The following PCDHGA9 variants were observed in gnomAD, a reference collection of about 807,000 sequenced individuals.
PCDHGA9 encodes protocadherin gamma-A9.
A neutral mutation model predicts 62.5 loss-of-function variants in PCDHGA9; 37 were observed. The ratio of observed to expected loss-of-function variants is 0.59; its 90% CI spans 0.46 to 0.78. PCDHGA9 has a LOEUF of 0.78. Among genes scored for constraint, PCDHGA9 ranks in the 30% least tolerant of loss-of-function variants. PCDHGA9 has a pLI of 0.00. For missense variants in PCDHGA9, 1,138 were observed against 1,166.2 expected, an observed-to-expected ratio of 0.98 and a Z score of 0.35; for synonymous variants, 459 against 484.6, an observed-to-expected ratio of 0.95 and a Z score of 0.69.
Position 141,431,336 on chromosome 5 carries a change from G to C in PCDHGA9, c.2424+25960G>C, listed in dbSNP as rs1187672228. ...TGGAGCCGACGGTAGTAAGTACCCC[G>C]AATTGGTGCTGAAACGCGCCCTGGA... On this transcript the variant is annotated intron_variant, in intron 1 of 3. Transcript: ENST00000573521. The surrounding 1 kb of genome is among the most constrained non-coding windows in gnomAD (Gnocchi z 4.8). 2.5e-6 allele frequency: 4 copies of C among 1,613,956 alleles called. No individual in the cohort carries two copies. The East Asian group carries it at 6.7e-5, about 27-fold the overall frequency.
rs377060474 is a variant in PCDHGA9, at chr5:141,487,810, C to A, written c.2425-6997C>A. The A allele has an allele frequency of 7.4e-4, 1,055 of 1,417,844 alleles. 13 individuals carry two copies. In the South Asian group the frequency reaches 0.013, roughly 17 times the overall value. The allele number at this position is 1,417,844 out of a possible 1,614,324, so 87.8% of individuals were successfully genotyped here. A position where few individuals can be genotyped will look rare whatever the true frequency, so the allele number is the denominator to read the frequency against. ...ATTAACCAGAGTTGTCACAGTTTAG[C>A]ATTGGGGGCGGGTCATGCCTATATC... On this transcript the variant is annotated intron_variant, in intron 1 of 3. Transcript: ENST00000573521. The surrounding 1 kb of genome is among the most constrained non-coding windows in gnomAD (Gnocchi z 5.0).
At chr5:141,446,295 G>A (rs146503397) in intron 1 of PCDHGA9, among the ~76,000 whole-genome samples, 1 of 152,196 alleles carries the variant, frequency 6.6e-6, no homozygotes, top group Non-Finnish European at 1.5e-5. Flanking sequence ...TGGGGAGCAG[G>A]GATTAAGAGT....
intron 1 of PCDHGA9, among the ~76,000 whole-genome samples, chr5:141,480,689 C>A (rs1266042791): frequency 6.6e-6 from 1 of 152,126 alleles, no homozygotes; most frequent in Non-Finnish European, 1.5e-5. Flanking sequence ...AATTCTGAAA[C>A]CCAGGCCACA....
intron 1 of PCDHGA9, chr5:141,415,452 C>G (rs2095870569): frequency 1.9e-6 from 3 of 1,614,122 alleles, no homozygotes; most frequent in Admixed American, 1.7e-5. Context: ...CCTATTCCCA[C>G]GAGGTCTCTC....
At chr5:141,475,910 G>A in intron 1 of PCDHGA9, 1 of 588,414 alleles carries the variant, frequency 1.7e-6, no homozygotes, top group South Asian at 2.3e-5. Context: ...GTCGGCCAAT[G>A]AAGACGCTGG....
chr5:141,422,969 G>C (rs1269760845), intron 1 of PCDHGA9: 2 of 1,614,202 alleles, frequency 1.2e-6, no homozygotes, highest in South Asian at 2.2e-5. Flanking sequence ...CTGGCGCCCC[G>C]CTCTGCGGAA....
At chr5:141,468,597 T>C in intron 1 of PCDHGA9, 1 of 152,224 alleles carries the variant, frequency 6.6e-6, no homozygotes, top group East Asian at 1.9e-4. Context: ...CTGGGCGCGG[T>C]GGCTCACGCC....
chr5:141,416,169 TAA>T (rs1350204040), intron 1 of PCDHGA9: 1 of 152,706 alleles, frequency 6.5e-6, no homozygotes, highest in African/African-American at 2.4e-5. Flanking sequence ...TTGAATATAC[TAA>T]GTTTTTCATT....
rs775012950 is a variant in PCDHGA9, at chr5:141,428,225, A to T, written c.2424+22849A>T. On this transcript the variant is annotated intron_variant, in intron 1 of 3. Coordinates refer to ENST00000573521, the MANE Select transcript of PCDHGA9 (RefSeq NM_018921.3). ...GCTACGCTTCACCTAGTCTTCGCAG[A>T]CAGCCTGCAGGAGGCACTGCCAGAC... is the stretch of plus-strand genomic sequence containing the variant. 19 of 1,156,574 alleles carry T rather than the reference A, an allele frequency of 1.6e-5. No homozygotes were observed. In the Admixed American group the frequency reaches 3.1e-4, roughly 19 times the overall value. 71.6% of individuals were successfully genotyped at this position (1,156,574 alleles called of 1,614,324 possible).
chr5:141,425,243 G>T (rs2096863760), intron 1 of PCDHGA9, among the ~76,000 whole-genome samples: 1 of 152,132 alleles, frequency 6.6e-6, no homozygotes, highest in Non-Finnish European at 1.5e-5. Flanking sequence ...AAATAAAAAG[G>T]ATATGAGGTA....
At position 141,431,391 on chromosome 5, in the gene PCDHGA9, T is replaced by C; in HGVS notation, c.2424+26015T>C. Reference sequence around the variant, plus strand: ...GAAGAAAAGGCTGCTCACCACCTGGTCCTTACGGCCTCCGACGGGGGCGAC... The same window carrying C: ...GAAGAAAAGGCTGCTCACCACCTGGCCCTTACGGCCTCCGACGGGGGCGAC... On this transcript the variant is annotated intron_variant, in intron 1 of 3. Transcript: ENST00000573521. The surrounding 1 kb of genome is among the most constrained non-coding windows in gnomAD (Gnocchi z 4.8). 1 of 1,613,852 alleles carries C rather than the reference T, an allele frequency of 6.2e-7. No homozygotes were observed.
intron 1 of PCDHGA9, chr5:141,423,756 GGGGGT>G: frequency 1.1e-5 from 5 of 448,566 alleles, no homozygotes; most frequent in African/African-American, 2.8e-5. Context: ...TGTTTGGGGG[GGGGGT>G]GGGGCGGCAT....
At position 141,418,775 on chromosome 5, in the gene PCDHGA9, C is replaced by T. The variant is rs773519128; in HGVS notation, c.2424+13399C>T. 4 of 1,613,764 alleles carry T rather than the reference C, an allele frequency of 2.5e-6. No individual in the cohort carries two copies. In the East Asian group the frequency reaches 6.7e-5, roughly 27 times the overall value. ...TACAGGAAACATTCTAACTCAGCAG[C>T]CTTTGGATTTTGAAGAAGTAGAAAG... On this transcript the variant is annotated intron_variant, in intron 1 of 3. Transcript: ENST00000573521.
At position 141,511,393 on chromosome 5, in the gene PCDHGA9, C is replaced by G. The variant is rs1257680621; in HGVS notation, c.*220C>G. The G allele has an allele frequency of 2.8e-6, 3 of 1,067,816 alleles. No individual in the cohort carries two copies. The highest frequency in any genetic ancestry group is 3.9e-6 in the Non-Finnish European group (3 of 764,518). The allele number at this position is 1,067,816 out of a possible 1,614,324, so 66.1% of individuals were successfully genotyped here. A position where few individuals can be genotyped will look rare whatever the true frequency, so the allele number is the denominator to read the frequency against. On this transcript the variant is annotated 3_prime_UTR_variant, in exon 4 of 4. Coordinates refer to ENST00000573521, the MANE Select transcript of PCDHGA9 (RefSeq NM_018921.3). ...CAAAAGCAGTTCCGCTGGGAACCCC[C>G]ATCCAATCAACTGCTGTACCCATGG...
intron 1 of PCDHGA9, among the ~76,000 whole-genome samples, chr5:141,462,769 G>T (rs1462290112): frequency 6.6e-6 from 1 of 151,956 alleles, no homozygotes; most frequent in African/African-American, 2.4e-5. Flanking sequence ...TCCTGGCTTG[G>T]GGTCATAATT....
intron 1 of PCDHGA9, among the ~76,000 whole-genome samples, chr5:141,458,663 G>A (rs1045303205): frequency 2.6e-5 from 4 of 151,804 alleles, no homozygotes; most frequent in Admixed American, 6.6e-5. Context: ...TCCACCTCTC[G>A]GGTTCAAGCA....
chr5:141,432,715 C>T lies in PCDHGA9; in HGVS notation c.2424+27339C>T. 1 of 1,613,996 alleles carries T rather than the reference C, an allele frequency of 6.2e-7. No individual in the cohort carries two copies. The highest frequency in any genetic ancestry group is 8.5e-7 in the Non-Finnish European group (1 of 1,179,970). ...TGGCCGTCCAGGACCACGGCCAGCC[C>T]CCTCTCTCCGCCACTGTCACGCTCA... On this transcript the variant is annotated intron_variant, in intron 1 of 3. Transcript: ENST00000573521. This position sits in a 1 kb window ranked among gnomAD's most constrained non-coding sequence, Gnocchi z 6.0.
intron 1 of PCDHGA9, among the ~76,000 whole-genome samples, chr5:141,474,243 G>GA (rs1161758975): frequency 2.6e-5 from 4 of 152,050 alleles, no homozygotes; most frequent in Admixed American, 1.3e-4. Context: ...CTGAATAGGG[G>GA]AAAAAAAGAC....
chr5:141,433,305 C>T, intron 1 of PCDHGA9: 1 of 931,032 alleles, frequency 1.1e-6, no homozygotes, highest in Non-Finnish European at 1.6e-6. Flanking sequence ...GCAATTATCC[C>T]ACCTTTGCCT....
Sources: allele counts gnomAD v4.1 joint callset (sites outside exome capture counted in the v4.1 genomes callset), GRCh38; gene constraint gnomAD v4.1.1; non-coding constraint Gnocchi (gnomAD v3.1); transcripts MANE v1.5; gene names NCBI Gene and HGNC (gene_info 2026-07-23, HGNC 2026-07-21).